Variants in ATXN10 observed in about 807,000 individuals in gnomAD.
ATXN10 encodes the protein ataxin-10.
In ATXN10, 28 loss-of-function variants were observed where a neutral mutation model predicts 52.9. The observed-to-expected ratio is 0.53, with a 90% CI of 0.39 to 0.73. ATXN10 has a LOEUF of 0.73. ATXN10 is among the 30% of genes least tolerant of loss of function. The pLI is 0.00. For missense variants in ATXN10, 565 were observed against 577.0 expected (o/e 0.98, Z 0.21); for synonymous variants, 226 against 221.5 (o/e 1.02, Z -0.18).
chr22:45,698,350 A>G, intron 3 of ATXN10, among the ~76,000 whole-genome samples: 1 of 152,158 alleles, frequency 6.6e-6, no homozygotes, highest in Middle Eastern at 3.4e-3. Flanking sequence ...GGGGTACTTC[A>G]TTGTGGTTTT....
chr22:45,738,993 C>T (rs933072690), intron 8 of ATXN10, among the ~76,000 whole-genome samples, 154 bp downstream of exon 8: 1 of 152,166 alleles, frequency 6.6e-6, no homozygotes, highest in Non-Finnish European at 1.5e-5. Flanking sequence ...TGTAACAGTT[C>T]AGGCAGGCCA....
Position 45,754,460 on chromosome 22 carries a change from GTGTTT to G in ATXN10, c.1173+13929_1173+13933del, listed in dbSNP as rs1288570081. ...TGCTTGAGTGGGATGTTTCAGAGGT[GTGTTT>G]TGTTTTATCTCATCCTCTTCAGAGC... On this transcript the variant is annotated intron_variant, in intron 9 of 11. Coordinates refer to ENST00000252934, the MANE Select transcript of ATXN10 (RefSeq NM_013236.4). This position sits in a 1 kb window ranked among gnomAD's most constrained non-coding sequence, Gnocchi z 5.4. 6.6e-6 allele frequency among the ~76,000 whole-genome samples: 1 copy of G among 152,164 alleles called. No individual in the cohort carries two copies. Among genetic ancestry groups the G allele is most frequent in the African/African-American group, 2.4e-5 (1 of 41,440 alleles).
Position 45,692,992 on chromosome 22 carries a change from C to G in ATXN10, c.309-4C>G. The G allele has an allele frequency of 6.2e-7, 1 of 1,613,738 alleles. No homozygotes were observed. The highest frequency in any genetic ancestry group is 8.5e-7 in the Non-Finnish European group (1 of 1,179,828). ...TCTAATTTTGTCTTTTTTAAAAAAC[C>G]CAGGAACTTGGATACGATTGGTGTT... On this transcript the variant is annotated splice_region_variant and splice_polypyrimidine_tract_variant and intron_variant, in intron 2 of 11. Coordinates refer to ENST00000252934, the MANE Select transcript of ATXN10 (RefSeq NM_013236.4).
intron 9 of ATXN10, among the ~76,000 whole-genome samples, chr22:45,782,983 T>C (rs144462458): frequency 6.6e-6 from 1 of 152,324 alleles, no homozygotes; most frequent in East Asian, 1.9e-4. Flanking sequence ...AACAATAGAT[T>C]GCTTACAATT....
intron 7 of ATXN10, among the ~76,000 whole-genome samples, chr22:45,730,820 GT>G (rs1480609651): frequency 6.6e-6 from 1 of 152,154 alleles, no homozygotes; most frequent in African/African-American, 2.4e-5. Flanking sequence ...TTCCACAGCT[GT>G]TATCCTAGGA....
intron 9 of ATXN10, among the ~76,000 whole-genome samples, chr22:45,755,312 G>A (rs1926134738): frequency 1.3e-5 from 2 of 152,166 alleles, no homozygotes; most frequent in Admixed American, 1.3e-4. Flanking sequence ...ATGTCAAAAT[G>A]CAAACACACC....
intron 5 of ATXN10, among the ~76,000 whole-genome samples, chr22:45,710,074 T>C (rs1601600256): frequency 6.6e-6 from 1 of 152,344 alleles, no homozygotes; most frequent in African/African-American, 2.4e-5. Flanking sequence ...CATCACACAG[T>C]AGCCAGAGTG....
chr22:45,703,385 C>T (rs1923915043), intron 5 of ATXN10, among the ~76,000 whole-genome samples: 1 of 152,148 alleles, frequency 6.6e-6, no homozygotes. Flanking sequence ...TGGGTTTACT[C>T]TTTTTGGGGT....
At chr22:45,673,621 A>G (rs1276790477) in intron 1 of ATXN10, 1 of 152,202 alleles carries the variant, frequency 6.6e-6, no homozygotes. Flanking sequence ...GGGTACAGAG[A>G]GGAATGATGT....
intron 9 of ATXN10, among the ~76,000 whole-genome samples, chr22:45,764,007 A>G (rs1926492361): frequency 6.6e-6 from 1 of 151,980 alleles, no homozygotes; most frequent in African/African-American, 2.4e-5. Flanking sequence ...GAATTCGGCC[A>G]GCCAGTTTCT....
chr22:45,734,530 ATTT>A (rs199766625), intron 7 of ATXN10: 4 of 113,868 alleles, frequency 3.5e-5, no homozygotes, highest in Non-Finnish European at 3.8e-5. Context: ...TGGCCTCTGG[ATTT>A]TTTTTTTTTT....
At chr22:45,713,161 T>C (rs954660866) in intron 5 of ATXN10, among the ~76,000 whole-genome samples, 26 of 152,214 alleles carry the variant, frequency 1.7e-4, no homozygotes, top group African/African-American at 6.3e-4. Flanking sequence ...TTTCGCTGTC[T>C]GTTGGCATGT....
Position 45,843,535 on chromosome 22 carries a change from G to C in ATXN10, c.1426-134G>C. 2.5e-6 allele frequency: 2 copies of C among 801,892 alleles called. No individual in the cohort carries two copies. Among genetic ancestry groups the C allele is most frequent in the East Asian group, 2.6e-5 (1 of 37,810 alleles). 49.7% of individuals were successfully genotyped at this position (801,892 alleles called of 1,614,324 possible). A position where few individuals can be genotyped will look rare whatever the true frequency, so the allele number is the denominator to read the frequency against. On this transcript the variant is annotated intron_variant, in intron 11 of 11. Coordinates refer to ENST00000252934, the MANE Select transcript of ATXN10 (RefSeq NM_013236.4). The surrounding 1 kb of genome is among the most constrained non-coding windows in gnomAD (Gnocchi z 4.5). Reference sequence around the variant, plus strand: ...AAAACAGAACTCCTTGAATAATATTGCATGAATTGTTTTAGGTTTCTCTAA... The same window carrying C: ...AAAACAGAACTCCTTGAATAATATTCCATGAATTGTTTTAGGTTTCTCTAA...
At position 45,833,806 on chromosome 22, in the gene ATXN10, G is replaced by A. The variant is rs1929070162; in HGVS notation, c.1238-9185G>A. Among the ~76,000 whole-genome samples, 1 of 152,170 alleles carries A rather than the reference G, an allele frequency of 6.6e-6. No individual in the cohort carries two copies. Among genetic ancestry groups the A allele is most frequent in the Non-Finnish European group, 1.5e-5 (1 of 68,036 alleles). ...AGCAACCCGGAAGAAGAACTGCTCT[G>A]CCCTCCAGAGGTCTCTCTGGATGGA... is the stretch of plus-strand genomic sequence containing the variant. On this transcript the variant is annotated intron_variant, in intron 10 of 11. Transcript: ENST00000252934. The surrounding 1 kb of genome is among the most constrained non-coding windows in gnomAD (Gnocchi z 4.3).
intron 9 of ATXN10, among the ~76,000 whole-genome samples, chr22:45,799,036 G>A (rs1247134910): frequency 6.6e-6 from 1 of 150,870 alleles, no homozygotes; most frequent in African/African-American, 2.4e-5. Flanking sequence ...CCTCTATAGA[G>A]TGAATGCTAT....
intron 5 of ATXN10, among the ~76,000 whole-genome samples, chr22:45,709,752 A>T (rs1477418655): frequency 6.6e-6 from 1 of 152,074 alleles, no homozygotes; most frequent in African/African-American, 2.4e-5. Flanking sequence ...GCTTCCTATT[A>T]TGTGCTTCTA....
intron 5 of ATXN10, among the ~76,000 whole-genome samples, chr22:45,713,842 A>C (rs1924344691): frequency 6.6e-6 from 1 of 152,156 alleles, no homozygotes; most frequent in Admixed American, 6.5e-5. Flanking sequence ...TCCTCAGTTA[A>C]AGATCTTTCA....
In ATXN10 at chr22:45,701,401, T is replaced by G. The variant is rs929887563; in HGVS notation, c.488+1023T>G. 5.9e-5 allele frequency among the ~76,000 whole-genome samples: 9 copies of G among 152,242 alleles called. No homozygotes were observed. Among genetic ancestry groups the G allele is most frequent in the African/African-American group, 2.2e-4 (9 of 41,460 alleles). ...TAAATTCCGTAATGCCCTTCCTTGT[T>G]GTACAGCTTTCCTGGGCTCCTCTGT... On this transcript the variant is annotated intron_variant, in intron 4 of 11. Coordinates refer to ENST00000252934, the MANE Select transcript of ATXN10 (RefSeq NM_013236.4). The surrounding 1 kb of genome is among the most constrained non-coding windows in gnomAD (Gnocchi z 4.2).
chr22:45,713,496 C>G (rs1924329301), intron 5 of ATXN10, among the ~76,000 whole-genome samples: 1 of 152,132 alleles, frequency 6.6e-6, no homozygotes, highest in Admixed American at 6.6e-5. Context: ...ACAGAGTTCT[C>G]CTATATGACC....
Sources: gnomAD v4.1 joint callset for allele counts (sites outside exome capture counted in the v4.1 genomes callset) on GRCh38, gnomAD v4.1.1 for gene constraint, Gnocchi (gnomAD v3.1) non-coding constraint, MANE v1.5 for transcripts, NCBI Gene and HGNC (gene_info 2026-07-23, HGNC 2026-07-21) for gene names.